The following MALRD1 variants were observed in gnomAD, a reference collection of about 807,000 sequenced individuals.
MALRD1 encodes MAM and LDL-receptor class A domain-containing protein 1.
A neutral mutation model predicts 242.1 loss-of-function variants in MALRD1; 247 were observed. The observed-to-expected ratio is 1.02, with a 90% CI of 0.92 to 1.13. The LOEUF (loss-of-function observed/expected upper bound fraction) is 1.13. Among genes scored for constraint, MALRD1 ranks in the 50% most tolerant of loss-of-function variants. The probability of loss-of-function intolerance (pLI) is 0.00; values close to 1 mark genes in which losing one functional copy is unlikely to be tolerated. For synonymous variants in MALRD1, 995 were observed against 866.6 expected (o/e 1.15, Z -2.60); for missense variants, 2,989 against 2,533.1 (o/e 1.18, Z -3.86).
chr10:19,689,524 G>T (rs1842736615), intron 36 of MALRD1, among the ~76,000 whole-genome samples: 1 of 152,048 alleles, frequency 6.6e-6, no homozygotes, highest in African/African-American at 2.4e-5. Context: ...GATGGATAAA[G>T]TAAAGTAATA....
chr10:19,148,847 G>A (rs969398126), intron 11 of MALRD1, among the ~76,000 whole-genome samples: 1 of 145,674 alleles, frequency 6.9e-6, no homozygotes, highest in Non-Finnish European at 1.5e-5. Flanking sequence ...ACCCATGATT[G>A]CCATGATCAA....
intron 24 of MALRD1, among the ~76,000 whole-genome samples, chr10:19,334,063 G>A (rs76997637): frequency 0.024 from 3,473 of 146,000 alleles, 120 homozygotes; most frequent in African/African-American, 0.075. Flanking sequence ...GTATGTATGC[G>A]TAGTCTGTGA....
chr10:19,382,341 C>T (rs1056094797), intron 26 of MALRD1, among the ~76,000 whole-genome samples: 5 of 88,306 alleles, frequency 5.7e-5, no homozygotes, highest in African/African-American at 1.5e-4. Context: ...TAGATGGAAG[C>T]GTGTGTGTGT....
chr10:19,254,409 A>G (rs920693217), intron 18 of MALRD1, among the ~76,000 whole-genome samples: 1 of 152,050 alleles, frequency 6.6e-6, no homozygotes, highest in Non-Finnish European at 1.5e-5. Flanking sequence ...CAAAGCCTGT[A>G]TAAACCTTGT....
intron 32 of MALRD1, among the ~76,000 whole-genome samples, chr10:19,553,938 A>G (rs981333357): frequency 6.6e-6 from 1 of 152,112 alleles, no homozygotes; most frequent in Non-Finnish European, 1.5e-5. Context: ...CCATTCTTTC[A>G]TTCTTTAGCA....
chr10:19,189,191 CA>C (rs1362026470), intron 14 of MALRD1, among the ~76,000 whole-genome samples: 2 of 151,880 alleles, frequency 1.3e-5, no homozygotes, highest in African/African-American at 2.4e-5. Flanking sequence ...ATACATGCCA[CA>C]AAATTGGATA....
In MALRD1 at chr10:19,163,137, T is replaced by TGAAAAAAA. The variant is rs1491309752; in HGVS notation, c.1657-2500_1657-2499insGAAAAAAA. Among the ~76,000 whole-genome samples the TGAAAAAAA allele has an allele frequency of 2.3e-4, 10 of 43,852 alleles. 1 individual carries two copies. The highest frequency in any genetic ancestry group is 1.0e-3 in the Admixed American group (3 of 2,860). The allele number at this position is 43,852 out of a possible 152,430, so 28.8% of individuals were successfully genotyped here. A position where few individuals can be genotyped will look rare whatever the true frequency, so the allele number is the denominator to read the frequency against. On this transcript the variant is annotated intron_variant, in intron 12 of 39. Coordinates refer to ENST00000454679, the MANE Select transcript of MALRD1 (RefSeq NM_001142308.3). ...TGAACAACTGGAGTGAAACCCTGTCTAAAAAAAAAAAAAAAAAAAAAAAAA... is the reference window on the plus strand; with the variant it reads ...TGAACAACTGGAGTGAAACCCTGTCTGAAAAAAAAAAAAAAAAAAAAAAAAAAAAAAAA...
At chr10:19,296,221 T>A (rs952426196) in intron 21 of MALRD1, among the ~76,000 whole-genome samples, 1 of 152,194 alleles carries the variant, frequency 6.6e-6, no homozygotes, top group South Asian at 2.1e-4. Context: ...TTTCACCTGT[T>A]ACCTTTTTGG....
chr10:19,619,838 A>G (rs1028691181), intron 36 of MALRD1, among the ~76,000 whole-genome samples: 3 of 152,036 alleles, frequency 2.0e-5, no homozygotes, highest in African/African-American at 4.8e-5. Flanking sequence ...TGTCATGGTT[A>G]ATAAAAAGCA....
At chr10:19,374,808 C>T (rs1889520) in intron 26 of MALRD1, among the ~76,000 whole-genome samples, 97,143 of 151,874 alleles carry the variant, frequency 0.64, 31,540 homozygotes, top group African/African-American at 0.75. Flanking sequence ...TATCTGGAGA[C>T]CATCACAGGA....
rs149115647 is a variant in MALRD1 at position 19,350,676 on chromosome 10, A to T, written c.4150-1330A>T. Among the ~76,000 whole-genome samples the T allele has an allele frequency of 9.9e-5, 15 of 152,282 alleles. No homozygotes were observed. In the East Asian group the frequency reaches 2.7e-3, roughly 27 times the overall value. ...TAGGGGTGTTGGTGCATCTGTTTGC[A>T]TGTTAACCTGATGGCATCATTCAGC... On this transcript the variant is annotated intron_variant, in intron 25 of 39. Coordinates refer to ENST00000454679, the MANE Select transcript of MALRD1 (RefSeq NM_001142308.3).
intron 28 of MALRD1, among the ~76,000 whole-genome samples, chr10:19,448,802 C>G (rs1835147871): frequency 6.6e-6 from 1 of 151,624 alleles, no homozygotes; most frequent in South Asian, 2.1e-4. Flanking sequence ...TACATTATAA[C>G]AGAATTTATG....
rs186773886 is a variant in MALRD1 at position 19,560,191 on chromosome 10, G to A, written c.5479-7311G>A. Among the ~76,000 whole-genome samples, 562 of 152,252 alleles carry A rather than the reference G, an allele frequency of 3.7e-3. 2 individuals carry two copies. Among genetic ancestry groups the A allele is most frequent in the African/African-American group, 0.013 (526 of 41,546 alleles). On this transcript the variant is annotated intron_variant, in intron 32 of 39. Transcript: ENST00000454679. ...CTACTTTAAAGACACATGCATGGCC[G>A]GGTGTGGTGGCTCACGCCTATAATC...
chr10:19,463,275 C>T (rs1256373699), intron 29 of MALRD1, among the ~76,000 whole-genome samples: 1 of 151,988 alleles, frequency 6.6e-6, no homozygotes, highest in Non-Finnish European at 1.5e-5. Flanking sequence ...ATCACGTGAA[C>T]AGTACACAGT....
At chr10:19,559,924 T>A (rs992500235) in intron 32 of MALRD1, among the ~76,000 whole-genome samples, 1 of 152,130 alleles carries the variant, frequency 6.6e-6, no homozygotes, top group Non-Finnish European at 1.5e-5. Flanking sequence ...GAAATGCAAA[T>A]CAAAACCACA....
intron 13 of MALRD1, among the ~76,000 whole-genome samples, chr10:19,167,473 T>G (rs1179631762): frequency 6.6e-6 from 1 of 152,218 alleles, no homozygotes; most frequent in Admixed American, 6.5e-5. Flanking sequence ...CATCTCATCC[T>G]CATTTCTGAA....
intron 28 of MALRD1, among the ~76,000 whole-genome samples, chr10:19,416,778 T>C (rs75215347): frequency 0.024 from 3,610 of 152,298 alleles, 112 homozygotes; most frequent in African/African-American, 0.077. Flanking sequence ...AAGGTTTTCA[T>C]CTATCATATT....
chr10:19,219,610 AT>A (rs35524486), intron 18 of MALRD1, among the ~76,000 whole-genome samples: 1 of 152,008 alleles, frequency 6.6e-6, no homozygotes, highest in Middle Eastern at 3.4e-3. Context: ...TAATTTTTAA[AT>A]TTTTTTATAC....
At chr10:19,583,469 C>T (rs1345193418) in intron 33 of MALRD1, among the ~76,000 whole-genome samples, 1 of 150,174 alleles carries the variant, frequency 6.7e-6, no homozygotes, top group Non-Finnish European at 1.5e-5. Flanking sequence ...TTTTCTGCAT[C>T]TATTGAGATA....
Sources: allele counts gnomAD v4.1 joint callset (sites outside exome capture counted in the v4.1 genomes callset), GRCh38; gene constraint gnomAD v4.1.1; transcripts MANE v1.5; gene names NCBI Gene and HGNC (gene_info 2026-07-23, HGNC 2026-07-21).